TMT1A: variants seen among roughly 807,000 people sequenced by gnomAD.
The protein encoded by TMT1A is thiol S-methyltransferase TMT1A.
chr12:50,925,183 GA>G, the TMT1A span: 1 of 1,614,154 alleles, frequency 6.2e-7, no homozygotes, highest in African/African-American at 1.3e-5. Context: ...GATATACAAC[GA>G]ACAGATGGCA....
chr12:50,925,686 G>A, the TMT1A span: 1 of 967,308 alleles, frequency 1.0e-6, no homozygotes, highest in Non-Finnish European at 1.5e-6. Context: ...GCGTGGGAGA[G>A]AAGCTATAAA....
chr12:50,929,220 G>C, the TMT1A span, among the ~76,000 whole-genome samples: 1 of 152,136 alleles, frequency 6.6e-6, no homozygotes, highest in African/African-American at 2.4e-5. Context: ...GGGTGACAGA[G>C]CCAGGCCCTG....
At chr12:50,927,246 C>T in the TMT1A span, among the ~76,000 whole-genome samples, 1 of 152,108 alleles carries the variant, frequency 6.6e-6, no homozygotes, top group Admixed American at 6.5e-5. Context: ...AGGCTGGTCT[C>T]AAACTCCTGG....
chr12:50,930,112 T>A, the TMT1A span: 1 of 1,613,432 alleles, frequency 6.2e-7, no homozygotes, highest in Admixed American at 1.7e-5. Flanking sequence ...GTCCTGGGAG[T>A]TGGTGCGCCC....
the TMT1A span, chr12:50,930,405 T>C: frequency 3.5e-6 from 1 of 281,722 alleles, no homozygotes; most frequent in Non-Finnish European, 6.6e-6. Flanking sequence ...TCAGCCTCCC[T>C]AGTAGCTGGG....
the TMT1A span, chr12:50,930,468 G>T: frequency 1.1e-5 from 2 of 186,016 alleles, no homozygotes; most frequent in East Asian, 1.5e-4. Flanking sequence ...AGTTGAGACA[G>T]GGTTTCACTA....
the TMT1A span, among the ~76,000 whole-genome samples, chr12:50,929,478 T>G: frequency 6.6e-6 from 1 of 152,218 alleles, no homozygotes; most frequent in Admixed American, 6.5e-5. Context: ...GGTAGATATG[T>G]AGAAAACTTC....
the TMT1A span, chr12:50,925,308 T>C: frequency 6.2e-7 from 1 of 1,614,234 alleles, no homozygotes; most frequent in Non-Finnish European, 8.5e-7. Context: ...TCTACCCACC[T>C]GGGTGCAGGG....
chr12:50,926,016 C>CAAAAAAAAAAAA, the TMT1A span, among the ~76,000 whole-genome samples: 3 of 26,072 alleles, frequency 1.2e-4, no homozygotes, highest in African/African-American at 1.7e-4. Context: ...AACTCCATCT[C>CAAAAAAAAAAAA]AAAAAAAAAA....
the TMT1A span, among the ~76,000 whole-genome samples, chr12:50,929,059 G>A: frequency 1.3e-5 from 2 of 151,504 alleles, no homozygotes; most frequent in South Asian, 2.1e-4. Flanking sequence ...GCAATGCGGC[G>A]AAACTCTGTC....
the TMT1A span, chr12:50,925,280 C>T: frequency 1.0e-4 from 164 of 1,614,058 alleles, no homozygotes; most frequent in South Asian, 1.9e-4. Context: ...GGCTGTGGCA[C>T]GGGGGCCAAC....
At chr12:50,927,019 CCA>C in the TMT1A span, among the ~76,000 whole-genome samples, 8 of 151,870 alleles carry the variant, frequency 5.3e-5, no homozygotes, top group Non-Finnish European at 1.0e-4. Flanking sequence ...TTTGTAATCC[CCA>C]GTTTTCATTT....
At chr12:50,930,202 T>C in the TMT1A span, 33 of 1,425,698 alleles carry the variant, frequency 2.3e-5, no homozygotes, top group East Asian at 4.1e-4. Flanking sequence ...AAGCTTCAGT[T>C]TTACATTTAA....
the TMT1A span, chr12:50,930,137 A>G: frequency 1.2e-6 from 2 of 1,606,896 alleles, no homozygotes; most frequent in Non-Finnish European, 1.7e-6. Context: ...ATCTATGGAT[A>G]TGCTGTGAAA....
the TMT1A span, chr12:50,929,817 T>C: frequency 2.0e-5 from 22 of 1,111,566 alleles, no homozygotes; most frequent in Non-Finnish European, 2.6e-5. Context: ...TCTCACAGGT[T>C]TGCAAGGCAG....
the TMT1A span, chr12:50,925,536 G>T: frequency 1.9e-6 from 3 of 1,611,676 alleles, no homozygotes; most frequent in African/African-American, 4.0e-5. Flanking sequence ...TGCTGAGACC[G>T]GTGAGTGAAA....
the TMT1A span, chr12:50,931,684 C>T: frequency 5.1e-5 from 7 of 138,248 alleles, no homozygotes; most frequent in East Asian, 1.2e-3. Context: ...GTACTCTAGC[C>T]TGGGTGACAA....
the TMT1A span, chr12:50,925,115 G>T: frequency 1.2e-6 from 2 of 1,614,066 alleles, no homozygotes; most frequent in Middle Eastern, 1.6e-4. Context: ...AACTTTCTGG[G>T]CTTGTGGAGC....
At chr12:50,928,744 C>T in the TMT1A span, among the ~76,000 whole-genome samples, 2 of 152,210 alleles carry the variant, frequency 1.3e-5, no homozygotes, top group East Asian at 3.9e-4. Flanking sequence ...TCTCAAATAC[C>T]ACATATATAC....
Sources: allele counts gnomAD v4.1 joint callset (sites outside exome capture counted in the v4.1 genomes callset), GRCh38; gene constraint gnomAD v4.1.1; transcripts MANE v1.5; gene names NCBI Gene and HGNC (gene_info 2026-07-23, HGNC 2026-07-21).